The following LARP4B variants were observed in gnomAD, a reference collection of about 807,000 sequenced individuals.
LARP4B encodes La ribonucleoprotein 4B.
Under a neutral mutation model 89.8 loss-of-function variants are expected in LARP4B, and 12 were observed. The observed-to-expected ratio is 0.13, with a 90% CI of 0.09 to 0.22. The LOEUF is 0.22. Ranked by LOEUF, LARP4B falls within the 10% of genes least tolerant of loss-of-function variation. The pLI is 1.00. For missense variants in LARP4B, 757 were observed against 947.7 expected (o/e 0.80, Z 2.64); for synonymous variants, 367 against 363.3 (o/e 1.01, Z -0.12).
chr10:918,425 G>A (rs1490016940), intron 1 of LARP4B, among the ~76,000 whole-genome samples: 2 of 152,074 alleles, frequency 1.3e-5, no homozygotes, highest in African/African-American at 4.8e-5. Flanking sequence ...TTGAGCCCAG[G>A]AGTTTGAGAC....
intron 1 of LARP4B, among the ~76,000 whole-genome samples, chr10:928,229 GAAA>G (rs59234664): frequency 1.0e-5 from 1 of 100,138 alleles, no homozygotes; most frequent in Admixed American, 1.0e-4. Context: ...CCTCAGGAAA[GAAA>G]AAAAAAAAAA....
intron 1 of LARP4B, among the ~76,000 whole-genome samples, chr10:894,665 A>G (rs985095083): frequency 1.1e-4 from 16 of 152,364 alleles, no homozygotes; most frequent in East Asian, 1.9e-4. Context: ...TAGTATTGTT[A>G]TATTTATTTT....
chr10:982,033 A>G, the LARP4B span, among the ~76,000 whole-genome samples: 1 of 152,246 alleles, frequency 6.6e-6, no homozygotes, highest in South Asian at 2.1e-4. Flanking sequence ...TGTGCTAATC[A>G]AAGCTATTCT....
intron 1 of LARP4B, among the ~76,000 whole-genome samples, chr10:910,567 C>G (rs1326224712): frequency 1.3e-5 from 2 of 152,172 alleles, no homozygotes; most frequent in African/African-American, 4.8e-5. Flanking sequence ...TTTTCAAACT[C>G]CCTCTTTCCT....
intron 1 of LARP4B, among the ~76,000 whole-genome samples, chr10:899,621 T>A (rs1293194392): frequency 6.6e-6 from 1 of 152,218 alleles, no homozygotes; most frequent in Non-Finnish European, 1.5e-5. Context: ...TCCATTTCTT[T>A]ATTTGTAAAG....
At chr10:899,726 C>G (rs924436289) in intron 1 of LARP4B, among the ~76,000 whole-genome samples, 3 of 152,062 alleles carry the variant, frequency 2.0e-5, no homozygotes, top group Non-Finnish European at 2.9e-5. Flanking sequence ...CAAGATGCTC[C>G]TAGACAGACA....
At chr10:918,972 T>C (rs1380657799) in intron 1 of LARP4B, among the ~76,000 whole-genome samples, 3 of 151,914 alleles carry the variant, frequency 2.0e-5, no homozygotes, top group Admixed American at 1.3e-4. Context: ...TCCCAGCTAC[T>C]AGGGAGGCTG....
At chr10:906,515 T>A (rs1263293461) in intron 1 of LARP4B, among the ~76,000 whole-genome samples, 1 of 152,180 alleles carries the variant, frequency 6.6e-6, no homozygotes, top group African/African-American at 2.4e-5. Context: ...TATGCATGGA[T>A]CCACAGACAG....
At chr10:859,047 G>A (rs1834451505) in intron 5 of LARP4B, among the ~76,000 whole-genome samples, 1 of 152,160 alleles carries the variant, frequency 6.6e-6, no homozygotes, top group East Asian at 1.9e-4. Context: ...AGCACTTTGG[G>A]AGGCTGAGAT....
the LARP4B span, among the ~76,000 whole-genome samples, chr10:958,656 C>G: frequency 7.2e-4 from 110 of 152,216 alleles, no homozygotes; most frequent in African/African-American, 2.6e-3. Flanking sequence ...TGCCTCAGGT[C>G]TTCATAGCTC....
intron 1 of LARP4B, among the ~76,000 whole-genome samples, chr10:919,396 T>C (rs1664542562): frequency 6.6e-6 from 1 of 152,176 alleles, no homozygotes. Context: ...AGCTATAAAG[T>C]TCCCATTTTC....
At chr10:827,762 C>T (rs981365362) in intron 11 of LARP4B, among the ~76,000 whole-genome samples, 4 of 152,140 alleles carry the variant, frequency 2.6e-5, no homozygotes, top group Non-Finnish European at 5.9e-5. Flanking sequence ...TGGCAAGCCA[C>T]GTGCAGCGAT....
intron 1 of LARP4B, among the ~76,000 whole-genome samples, chr10:889,958 A>G (rs1261283684): frequency 2.6e-5 from 4 of 152,224 alleles, no homozygotes; most frequent in African/African-American, 9.6e-5. Flanking sequence ...ATCAGAAGGG[A>G]TAACTGTAAC....
chr10:901,610 TTTTCG>T (rs1177418676), intron 1 of LARP4B, among the ~76,000 whole-genome samples: 1 of 152,242 alleles, frequency 6.6e-6, no homozygotes, highest in Non-Finnish European at 1.5e-5. Flanking sequence ...TATTCCATTC[TTTTCG>T]TTTCATGTTC....
the LARP4B span, among the ~76,000 whole-genome samples, chr10:959,004 G>C: frequency 6.6e-6 from 1 of 152,182 alleles, no homozygotes; most frequent in East Asian, 1.9e-4. Flanking sequence ...TGGAGTCTCT[G>C]GGCAGAGGAA....
At chr10:856,752 G>T (rs1003883584) in intron 5 of LARP4B, among the ~76,000 whole-genome samples, 1 of 152,218 alleles carries the variant, frequency 6.6e-6, no homozygotes, top group Non-Finnish European at 1.5e-5. Context: ...CTTCCGGCAC[G>T]AGTAGGAGAA....
At chr10:919,020 G>A (rs1422530148) in intron 1 of LARP4B, among the ~76,000 whole-genome samples, 1 of 151,660 alleles carries the variant, frequency 6.6e-6, no homozygotes, top group Non-Finnish European at 1.5e-5. Flanking sequence ...GGCGGAGTTT[G>A]CAGTGAGCGG....
chr10:919,279 C>A (rs961309412), intron 1 of LARP4B, among the ~76,000 whole-genome samples: 5 of 152,146 alleles, frequency 3.3e-5, no homozygotes, highest in African/African-American at 9.7e-5. Context: ...AGAACGCTGA[C>A]CCTCTCTAAG....
rs1283952500 is a variant in LARP4B, at chr10:931,534, A to T, written c.-146T>A. The T allele has an allele frequency of 1.4e-5, 2 of 146,788 alleles. No individual in the cohort carries two copies. The highest frequency in any genetic ancestry group is 3.0e-5 in the Non-Finnish European group (2 of 66,428). 9.1% of individuals were successfully genotyped at this position (146,788 alleles called of 1,614,324 possible). A position where few individuals can be genotyped will look rare whatever the true frequency, so the allele number is the denominator to read the frequency against. The stretch of plus-strand genomic sequence containing the variant: ...CGGGGACGGCGAGGAGAGAGACGGC[A>T]GGGAGAGGCGGCGCGGCCGGGCCGG... On this transcript the variant is annotated 5_prime_UTR_variant, in exon 1 of 18. Coordinates refer to ENST00000316157, the MANE Select transcript of LARP4B (RefSeq NM_015155.3).
Sources: gnomAD v4.1 joint callset for allele counts (sites outside exome capture counted in the v4.1 genomes callset) on GRCh38, gnomAD v4.1.1 for gene constraint, MANE v1.5 for transcripts, NCBI Gene and HGNC (gene_info 2026-07-23, HGNC 2026-07-21) for gene names.